C3orf49: variants seen among roughly 807,000 people sequenced by gnomAD.
C3orf49 encodes chromosome 3 open reading frame 49.
C3orf49 carries 27 observed loss-of-function variants against 13.3 expected under a neutral mutation model. The observed-to-expected ratio is 2.02, with a 90% CI of 1.49 to 2.79. The LOEUF (loss-of-function observed/expected upper bound fraction) is 2.79, where lower values mean the gene tolerates loss of function less well. Among genes scored for constraint, C3orf49 ranks in the 30% most tolerant of loss-of-function variants. The pLI is 0.00. For synonymous variants in C3orf49, 87 were observed against 47.6 expected (o/e 1.83, Z -3.40); for missense variants, 242 against 134.2 (o/e 1.80, Z -3.97).
the C3orf49 span, among the ~76,000 whole-genome samples, chr3:63,792,031 T>C: frequency 6.6e-6 from 1 of 152,240 alleles, no homozygotes; most frequent in Non-Finnish European, 1.5e-5. Context: ...TCTTTACCTA[T>C]AGAAAACGTT....
chr3:63,846,806 A>C (rs1296520872), intron 6 of C3orf49, among the ~76,000 whole-genome samples: 1 of 152,170 alleles, frequency 6.6e-6, no homozygotes, highest in Non-Finnish European at 1.5e-5. Context: ...AAAGAGGCAG[A>C]ATGATAGTCT....
intron 5 of C3orf49, among the ~76,000 whole-genome samples, chr3:63,843,972 G>A (rs1701829566): frequency 6.6e-6 from 1 of 151,314 alleles, no homozygotes; most frequent in Admixed American, 6.6e-5. Flanking sequence ...ACACAAATAT[G>A]TGTTACACAT....
the C3orf49 span, among the ~76,000 whole-genome samples, chr3:63,797,102 A>C: frequency 3.9e-5 from 6 of 152,198 alleles, no homozygotes; most frequent in African/African-American, 1.2e-4. Flanking sequence ...ATAAAATCTC[A>C]TTTTAAATAC....
intron 5 of C3orf49, 141 bp downstream of exon 5, chr3:63,831,985 G>A (rs1399070764): frequency 4.2e-5 from 24 of 568,786 alleles, no homozygotes; most frequent in Non-Finnish European, 7.1e-5. Flanking sequence ...CTTGATGTCT[G>A]GAGTTCAAAA....
chr3:63,834,430 C>A (rs183646322), intron 5 of C3orf49, among the ~76,000 whole-genome samples: 101 of 151,676 alleles, frequency 6.7e-4, no homozygotes, highest in Admixed American at 1.4e-3. Flanking sequence ...GAGGCCAAGG[C>A]AGGTGGATCA....
chr3:63,846,156 C>T (rs1386168002), intron 6 of C3orf49: 1 of 435,272 alleles, frequency 2.3e-6, no homozygotes, highest in Admixed American at 2.5e-5. Context: ...TCTTTCTTTG[C>T]CTGAATATTT....
the C3orf49 span, among the ~76,000 whole-genome samples, chr3:63,790,512 G>C: frequency 6.6e-6 from 1 of 152,118 alleles, no homozygotes; most frequent in East Asian, 1.9e-4. Flanking sequence ...AATCTTGGGG[G>C]TGTAACCTGG....
the C3orf49 span, among the ~76,000 whole-genome samples, chr3:63,804,664 A>G: frequency 3.3e-5 from 5 of 152,124 alleles, no homozygotes; most frequent in African/African-American, 1.2e-4. Context: ...CTTGGCTGTT[A>G]CTGCATTTAC....
chr3:63,801,108 A>T, the C3orf49 span, among the ~76,000 whole-genome samples: 3 of 152,174 alleles, frequency 2.0e-5, no homozygotes, highest in Admixed American at 1.3e-4. Flanking sequence ...AAAGGGAGAC[A>T]CTTGTTGAGC....
chr3:63,840,800 G>A (rs1259215592), intron 5 of C3orf49, among the ~76,000 whole-genome samples: 3 of 152,068 alleles, frequency 2.0e-5, no homozygotes, highest in Non-Finnish European at 2.9e-5. Flanking sequence ...TAAAACTGTT[G>A]GCAAGGGTGT....
At chr3:63,842,160 G>A (rs1362115036) in intron 5 of C3orf49, among the ~76,000 whole-genome samples, 1 of 152,126 alleles carries the variant, frequency 6.6e-6, no homozygotes, top group East Asian at 1.9e-4. Flanking sequence ...GAAATGACCT[G>A]AATAGACACT....
intron 5 of C3orf49, among the ~76,000 whole-genome samples, chr3:63,840,188 G>C (rs1045424069): frequency 6.6e-6 from 1 of 152,034 alleles, no homozygotes; most frequent in Non-Finnish European, 1.5e-5. Context: ...TGCCCAGACA[G>C]ACAGAACTCC....
chr3:63,840,494 G>C (rs981609960), intron 5 of C3orf49, among the ~76,000 whole-genome samples: 14 of 152,130 alleles, frequency 9.2e-5, no homozygotes, highest in Non-Finnish European at 1.9e-4. Flanking sequence ...GGGAGGCTGA[G>C]GTAGGAGGAT....
intron 2 of C3orf49, among the ~76,000 whole-genome samples, chr3:63,824,682 C>CA (rs1260007962): frequency 6.6e-6 from 1 of 151,716 alleles, no homozygotes; most frequent in Non-Finnish European, 1.5e-5. Flanking sequence ...ACAAAAAATA[C>CA]AAAAAAGATT....
At chr3:63,823,653 T>C (rs1701428035) in intron 2 of C3orf49, 84 bp downstream of exon 2, 2 of 620,902 alleles carry the variant, frequency 3.2e-6, no homozygotes, top group African/African-American at 1.8e-5. Context: ...TACACCAGTA[T>C]GGCATCCCTG....
intron 5 of C3orf49, among the ~76,000 whole-genome samples, chr3:63,841,238 A>G (rs760185333): frequency 1.3e-5 from 2 of 152,224 alleles, no homozygotes; most frequent in Non-Finnish European, 2.9e-5. Flanking sequence ...TCACACATGC[A>G]TGTGTGTATT....
At chr3:63,788,739 A>C in the C3orf49 span, among the ~76,000 whole-genome samples, 211 of 151,764 alleles carry the variant, frequency 1.4e-3, 1 homozygote, top group African/African-American at 4.8e-3. Flanking sequence ...AAAAAAAAAA[A>C]ACAAAAAAAA....
the C3orf49 span, among the ~76,000 whole-genome samples, chr3:63,795,457 C>G: frequency 4.6e-5 from 7 of 152,120 alleles, no homozygotes; most frequent in Admixed American, 1.3e-4. Context: ...TTGTCCAATT[C>G]TTTGTTCAAA....
At chr3:63,816,930 G>C (rs542595000), upstream of C3orf49, among the ~76,000 whole-genome samples, 2 of 151,462 alleles carry the variant, frequency 1.3e-5, no homozygotes, top group Admixed American at 1.3e-4. Flanking sequence ...CCGTTACCAC[G>C]CCCGGCTAAT....
Sources: allele counts gnomAD v4.1 joint callset (sites outside exome capture counted in the v4.1 genomes callset), GRCh38; gene constraint gnomAD v4.1.1; transcripts MANE v1.5; gene names NCBI Gene and HGNC (gene_info 2026-07-23, HGNC 2026-07-21).